The following PTPRK variants were observed in gnomAD, a reference collection of about 807,000 sequenced individuals.
The protein encoded by PTPRK is protein tyrosine phosphatase receptor type K.
A neutral mutation model predicts 178.0 loss-of-function variants in PTPRK; 75 were observed. That is an observed-to-expected ratio of 0.42 (90% CI 0.35 to 0.51). PTPRK has a LOEUF of 0.51. Among genes scored for constraint, PTPRK ranks in the 20% least tolerant of loss-of-function variants. The pLI, the probability that PTPRK is intolerant of heterozygous loss-of-function variation, is 0.02. For missense variants in PTPRK, 1,441 were observed against 1,797.8 expected (o/e 0.80, Z 3.59); for synonymous variants, 637 against 620.6 (o/e 1.03, Z -0.39).
At position 128,229,014 on chromosome 6, in the gene PTPRK, A is replaced by G. The variant is rs1219517194; in HGVS notation, c.694-9918T>C. Among the ~76,000 whole-genome samples the G allele has an allele frequency of 2.0e-5, 3 of 152,180 alleles. No individual in the cohort carries two copies. In the East Asian group the frequency reaches 5.8e-4, roughly 29 times the overall value. ...AAGGGCACAAAAAACTATTATCAAC[A>G]TCTAAGAACTCAGGGAATACTATTC... On this transcript the variant is annotated intron_variant, in intron 5 of 29. Coordinates refer to ENST00000368226, the MANE Select transcript of PTPRK (RefSeq NM_002844.4).
intron 6 of PTPRK, among the ~76,000 whole-genome samples, chr6:128,207,109 T>C (rs1264282145): frequency 1.3e-5 from 2 of 152,172 alleles, no homozygotes; most frequent in Non-Finnish European, 1.5e-5. Flanking sequence ...GTGCTCGGGC[T>C]CAAGGTGCTG....
chr6:128,189,399 C>A (rs890832152), intron 6 of PTPRK, among the ~76,000 whole-genome samples: 6 of 151,398 alleles, frequency 4.0e-5, no homozygotes, highest in African/African-American at 1.5e-4. Context: ...GCCACCACAC[C>A]CGGCTAATTT....
chr6:128,170,925 A>T (rs1800151476), intron 7 of PTPRK, among the ~76,000 whole-genome samples: 1 of 151,906 alleles, frequency 6.6e-6, no homozygotes, highest in African/African-American at 2.4e-5. Context: ...AACTGTTAAC[A>T]CTTAGATTGT....
At chr6:128,445,021 T>C (rs1293784785) in intron 1 of PTPRK, among the ~76,000 whole-genome samples, 1 of 151,582 alleles carries the variant, frequency 6.6e-6, no homozygotes, top group Non-Finnish European at 1.5e-5. Context: ...AGTATATATA[T>C]AATTTCTGGC....
chr6:128,339,315 G>C (rs1328099162), intron 2 of PTPRK, among the ~76,000 whole-genome samples: 1 of 151,918 alleles, frequency 6.6e-6, no homozygotes. Flanking sequence ...AGACTCTATC[G>C]GCAGTTAAAT....
At chr6:128,391,269 T>G (rs2128364217) in intron 2 of PTPRK, among the ~76,000 whole-genome samples, 1 of 152,266 alleles carries the variant, frequency 6.6e-6, no homozygotes, top group Middle Eastern at 3.4e-3. Flanking sequence ...CCATCTACGT[T>G]AATGGCCTCA....
At chr6:128,300,064 A>C (rs574323077) in intron 3 of PTPRK, among the ~76,000 whole-genome samples, 1 of 152,330 alleles carries the variant, frequency 6.6e-6, no homozygotes, top group Admixed American at 6.5e-5. Context: ...TGGGCAAAGG[A>C]CATGAACAGA....
At chr6:128,434,869 A>T (rs1204371285) in intron 1 of PTPRK, among the ~76,000 whole-genome samples, 2 of 151,426 alleles carry the variant, frequency 1.3e-5, no homozygotes, top group Non-Finnish European at 2.9e-5. Context: ...AAAAATAAGA[A>T]AAAAAAAAGT....
At chr6:128,304,417 T>C (rs1826076778) in intron 3 of PTPRK, among the ~76,000 whole-genome samples, 1 of 152,130 alleles carries the variant, frequency 6.6e-6, no homozygotes, top group Non-Finnish European at 1.5e-5. Context: ...AGGATAAAAA[T>C]ACACAAAACA....
chr6:128,038,509 T>G (rs1776606010), intron 13 of PTPRK, among the ~76,000 whole-genome samples: 1 of 152,178 alleles, frequency 6.6e-6, no homozygotes, highest in South Asian at 2.1e-4. Context: ...TTCTTATAAC[T>G]TCTAGAGATA....
At chr6:128,066,249 C>T (rs780985491) in intron 12 of PTPRK, among the ~76,000 whole-genome samples, 1 of 152,114 alleles carries the variant, frequency 6.6e-6, no homozygotes, top group Non-Finnish European at 1.5e-5. Context: ...GATATGTAGG[C>T]AGAAAGTGGA....
In PTPRK at chr6:128,315,824, T is replaced by G. The variant is rs78880163; in HGVS notation, c.495+6215A>C. Among the ~76,000 whole-genome samples, 1,484 of 152,302 alleles carry G rather than the reference T, an allele frequency of 9.7e-3. 26 individuals are homozygous for G. Among genetic ancestry groups the G allele is most frequent in the African/African-American group, 0.034 (1,393 of 41,554 alleles). ...AGTTAAATTTTAGATAAAAAACGTA[T>G]TCGTTTTTGTTTGTCCCTTATAACA... On this transcript the variant is annotated intron_variant, in intron 3 of 29. Coordinates refer to ENST00000368226, the MANE Select transcript of PTPRK (RefSeq NM_002844.4).
At chr6:128,337,531 G>T (rs1831104689) in intron 2 of PTPRK, among the ~76,000 whole-genome samples, 1 of 152,096 alleles carries the variant, frequency 6.6e-6, no homozygotes, top group African/African-American at 2.4e-5. Flanking sequence ...CCTATATTAT[G>T]CCACCTATCA....
At chr6:128,285,954 G>C (rs1175653702) in intron 3 of PTPRK, among the ~76,000 whole-genome samples, 2 of 151,986 alleles carry the variant, frequency 1.3e-5, no homozygotes, top group Admixed American at 6.6e-5. Flanking sequence ...TGCCTTGTTC[G>C]AACCGTGATC....
chr6:128,457,053 T>C (rs1005745687), intron 1 of PTPRK, among the ~76,000 whole-genome samples: 3 of 152,086 alleles, frequency 2.0e-5, no homozygotes, highest in African/African-American at 7.2e-5. Flanking sequence ...ATGGAAATAA[T>C]TGAGATGTCA....
chr6:128,340,971 C>T (rs2128331158), intron 2 of PTPRK, among the ~76,000 whole-genome samples: 1 of 152,210 alleles, frequency 6.6e-6, no homozygotes, highest in East Asian at 1.9e-4. Context: ...AAAAACAGTT[C>T]TCTGTTTTAC....
chr6:128,226,647 A>G (rs1811346513), intron 5 of PTPRK, among the ~76,000 whole-genome samples: 1 of 151,826 alleles, frequency 6.6e-6, no homozygotes, highest in Non-Finnish European at 1.5e-5. Context: ...CTTGCCCTAC[A>G]GACTTCAGAC....
chr6:128,486,909 A>C (rs9372892), intron 1 of PTPRK, among the ~76,000 whole-genome samples: 9,243 of 151,826 alleles, frequency 0.061, 1,149 homozygotes, highest in East Asian at 0.58. Flanking sequence ...TATTTAATTG[A>C]CATAGATATC....
intron 13 of PTPRK, among the ~76,000 whole-genome samples, chr6:128,035,116 C>A (rs1303812082): frequency 2.6e-5 from 4 of 152,292 alleles, no homozygotes; most frequent in East Asian, 1.9e-4. Flanking sequence ...TCAAGCCTGG[C>A]AGCCCTTTGA....
Sources: gnomAD v4.1 joint callset for allele counts (sites outside exome capture counted in the v4.1 genomes callset) on GRCh38, gnomAD v4.1.1 for gene constraint, MANE v1.5 for transcripts, NCBI Gene and HGNC (gene_info 2026-07-23, HGNC 2026-07-21) for gene names.